Variants in RIPK2 observed in about 807,000 individuals in gnomAD.
The protein encoded by RIPK2 is receptor interacting serine/threonine kinase 2.
Under a neutral mutation model 60.9 loss-of-function variants are expected in RIPK2, and 38 were observed. The ratio of observed to expected loss-of-function variants is 0.62; its 90% CI spans 0.48 to 0.82. The LOEUF is 0.82. Ranked by LOEUF, RIPK2 falls within the 40% of genes least tolerant of loss-of-function variation. The pLI, the probability that RIPK2 is intolerant of heterozygous loss-of-function variation, is 0.00. For missense variants in RIPK2, 518 were observed against 647.0 expected (o/e 0.80, Z 2.16); for synonymous variants, 225 against 223.4 (o/e 1.01, Z -0.06).
chr8:89,759,482 C>T (rs1175536798), intron 1 of RIPK2: 1 of 438,522 alleles, frequency 2.3e-6, no homozygotes, highest in Middle Eastern at 3.4e-4. Flanking sequence ...CCTCAGCTTC[C>T]GCCCTGCCAA....
intron 4 of RIPK2, 118 bp downstream of exon 4, chr8:89,770,047 G>T: frequency 2.4e-6 from 2 of 826,742 alleles, no homozygotes; most frequent in Non-Finnish European, 3.6e-6. Flanking sequence ...TAATTGTGGT[G>T]AAAATAAACT....
At chr8:89,781,820 A>G (rs1199648902) in intron 7 of RIPK2, among the ~76,000 whole-genome samples, 1 of 152,216 alleles carries the variant, frequency 6.6e-6, no homozygotes, top group Admixed American at 6.5e-5. Context: ...GGTTTAATTT[A>G]TAAGATAGGC....
At chr8:89,786,553 T>A in intron 8 of RIPK2, 40 bp from the exon 9 acceptor site, 1 of 1,109,766 alleles carries the variant, frequency 9.0e-7, no homozygotes. Flanking sequence ...AGCTCGATAA[T>A]TTTTATTAAC....
chr8:89,768,103 G>A lies in RIPK2; in HGVS notation c.484-1669G>A, dbSNP rs570114000. Among the ~76,000 whole-genome samples the A allele has an allele frequency of 2.0e-5, 3 of 151,712 alleles. No homozygotes were observed. The South Asian group carries it at 6.2e-4, about 31-fold the overall frequency. ...TCCTTAATAATTCATCAGCTTTCCAGGGGTAGTCATATCACATAGTTCAAA... is the reference window on the plus strand; with the variant it reads ...TCCTTAATAATTCATCAGCTTTCCAAGGGTAGTCATATCACATAGTTCAAA... On this transcript the variant is annotated intron_variant, in intron 3 of 10. Coordinates refer to ENST00000220751, the MANE Select transcript of RIPK2 (RefSeq NM_003821.6).
At chr8:89,769,068 T>A (rs1809272850) in intron 3 of RIPK2, among the ~76,000 whole-genome samples, 1 of 151,848 alleles carries the variant, frequency 6.6e-6, no homozygotes, top group African/African-American at 2.4e-5. Flanking sequence ...AATATTTAGT[T>A]ATAAGATACT....
intron 7 of RIPK2, among the ~76,000 whole-genome samples, chr8:89,781,143 A>G (rs897293153): frequency 7.9e-5 from 12 of 151,860 alleles, no homozygotes; most frequent in African/African-American, 1.2e-4. Context: ...AACATCTACA[A>G]TTTTTATCAC....
intron 2 of RIPK2, among the ~76,000 whole-genome samples, chr8:89,763,932 A>C (rs947341288): frequency 4.6e-5 from 7 of 152,184 alleles, no homozygotes; most frequent in African/African-American, 1.4e-4. Flanking sequence ...AAATGAGTAT[A>C]AGTAGAAATC....
intron 3 of RIPK2, among the ~76,000 whole-genome samples, chr8:89,768,716 CTT>C (rs1480868043): frequency 3.3e-5 from 5 of 151,386 alleles, no homozygotes; most frequent in South Asian, 2.1e-4. Flanking sequence ...TAAATTGACT[CTT>C]TTATTGTAGC....
chr8:89,779,319 T>TTTTG (rs1554598411), intron 6 of RIPK2, among the ~76,000 whole-genome samples: 1 of 129,182 alleles, frequency 7.7e-6, no homozygotes, highest in Non-Finnish European at 1.6e-5. Context: ...GGTTTTTTTT[T>TTTTG]TTTTTTTTTT....
At chr8:89,782,455 C>T (rs188593110) in intron 7 of RIPK2, among the ~76,000 whole-genome samples, 1 of 152,198 alleles carries the variant, frequency 6.6e-6, no homozygotes, top group East Asian at 1.9e-4. Flanking sequence ...ACATCTCACA[C>T]AGTAAGCTAA....
In RIPK2 at chr8:89,772,722, T is replaced by A. The variant is rs779409221; in HGVS notation, c.747T>A (p.Val249=). ...MYSVSQGHRP[V]INEESLPYDI... ...GTGTGTCACAAGGACATCGACCTGT[T>A]ATTAATGAAGAAAGTTTGCCATATG... The change falls in exon 6 of 11, where the codon GTT becomes GTA. Residue 249 remains valine, a synonymous_variant. Coordinates refer to ENST00000220751, the MANE Select transcript of RIPK2 (RefSeq NM_003821.6). 1 of 1,612,090 alleles carries A rather than the reference T, an allele frequency of 6.2e-7. No individual in the cohort carries two copies.
intron 8 of RIPK2, among the ~76,000 whole-genome samples, chr8:89,786,373 C>A (rs1385323239): frequency 6.6e-6 from 1 of 151,722 alleles, no homozygotes; most frequent in Non-Finnish European, 1.5e-5. Context: ...ATTAAGGAGG[C>A]TGAGATGGGA....
chr8:89,790,410 C>T lies in RIPK2; in HGVS notation c.1617C>T (p.Ser539=), dbSNP rs768728792. The T allele has an allele frequency of 6.4e-7, 1 of 1,569,360 alleles. No homozygotes were observed. The highest frequency in any genetic ancestry group is 8.7e-7 in the Non-Finnish European group (1 of 1,155,914). The change falls in exon 11 of 11, where the codon AGC becomes AGT. Residue 539 remains serine, a synonymous_variant. Coordinates refer to ENST00000220751, the MANE Select transcript of RIPK2 (RefSeq NM_003821.6). ...CTTTAAATTTACTTCAAAATAAAAG[C>T]ATGTAAGTGACTGTTTTTCAAGAAG... ...SPSLNLLQNK[S]M is the part of the protein sequence containing the mutation.
At chr8:89,768,402 T>A (rs1050498558) in intron 3 of RIPK2, among the ~76,000 whole-genome samples, 1 of 151,742 alleles carries the variant, frequency 6.6e-6, no homozygotes, top group Admixed American at 6.6e-5. Flanking sequence ...TATCTTTAAG[T>A]CATGATTAAA....
At position 89,786,619 on chromosome 8, in the gene RIPK2, T is replaced by A; in HGVS notation, c.1056T>A (p.His352Gln). The A allele has an allele frequency of 6.3e-7, 1 of 1,599,732 alleles. No homozygotes were observed. The highest frequency in any genetic ancestry group is 8.6e-7 in the Non-Finnish European group (1 of 1,168,994). ...QEESCGSSQL[H>Q]ENSGSPETSR... ...AATCATGTGGATCCTCTCAGCTCCA[T>A]GAAAATAGTGGTTCTCCTGAAACTT... Residue 352 changes from histidine (H) to glutamine (Q), a missense_variant, in exon 9 of 11, where the codon CAT (histidine) becomes CAA (glutamine). His to Gln is a conservative substitution (Grantham distance 24, BLOSUM62 0). Coordinates refer to ENST00000220751, the MANE Select transcript of RIPK2 (RefSeq NM_003821.6).
chr8:89,770,298 C>A (rs978252830), intron 4 of RIPK2, among the ~76,000 whole-genome samples: 1 of 151,702 alleles, frequency 6.6e-6, no homozygotes, highest in African/African-American at 2.4e-5. Flanking sequence ...ATCTATATAT[C>A]TTTTTAGATA....
chr8:89,758,066 C>T lies in RIPK2; in HGVS notation c.6C>T (p.Asn2=). The change falls in exon 1 of 11, where the codon AAC becomes AAT. Residue 2 remains asparagine, a synonymous_variant. Transcript: ENST00000220751. The part of the protein sequence containing the change: M[N]GEAICSALPT... ...CGGCCTGAGCGCCCGGGACCATGAA[C>T]GGGGAGGCCATCTGCAGCGCCCTGC... The T allele has an allele frequency of 6.3e-7, 1 of 1,598,164 alleles. No homozygotes were observed. Among genetic ancestry groups the T allele is most frequent in the Non-Finnish European group, 8.5e-7 (1 of 1,172,666 alleles).
In RIPK2 at chr8:89,758,248, G is replaced by C. The variant is rs1809084210; in HGVS notation, c.173+15G>C. ...CTGCTCGACAGGTAGGCAGTCACTGGGGTTCCCTGGAAGAGCCCTCAACTC... is the reference window on the plus strand; with the variant it reads ...CTGCTCGACAGGTAGGCAGTCACTGCGGTTCCCTGGAAGAGCCCTCAACTC... On this transcript the variant is annotated intron_variant, in intron 1 of 10. Transcript: ENST00000220751. The C allele has an allele frequency of 6.3e-7, 1 of 1,586,538 alleles. No homozygotes were observed. Among genetic ancestry groups the C allele is most frequent in the African/African-American group, 1.3e-5 (1 of 74,194 alleles).
chr8:89,790,028 C>A, intron 10 of RIPK2, 51 bp from the exon 11 acceptor site: 1 of 1,260,738 alleles, frequency 7.9e-7, no homozygotes, highest in Non-Finnish European at 1.1e-6. Flanking sequence ...TTACTTATTG[C>A]TATGTATCTG....
Sources: allele counts gnomAD v4.1 joint callset (sites outside exome capture counted in the v4.1 genomes callset), GRCh38; gene constraint gnomAD v4.1.1; transcripts MANE v1.5; gene names NCBI Gene and HGNC (gene_info 2026-07-23, HGNC 2026-07-21).